The following RSRC2 variants were observed in gnomAD, a reference collection of about 807,000 sequenced individuals.
RSRC2 encodes arginine and serine rich coiled-coil 2, also known as arginine/serine-rich coiled-coil protein 2.
Under a neutral mutation model 61.3 loss-of-function variants are expected in RSRC2, and 5 were observed. The ratio of observed to expected loss-of-function variants is 0.08; its 90% confidence interval spans 0.04 to 0.17. The LOEUF (loss-of-function observed/expected upper bound fraction) is 0.17. RSRC2 is among the 10% of genes least tolerant of loss of function. The probability of loss-of-function intolerance (pLI) is 1.00; values close to 1 mark genes in which losing one functional copy is unlikely to be tolerated. For synonymous variants in RSRC2, 202 were observed against 166.5 expected, an observed-to-expected ratio of 1.21 and a Z score of -1.64; for missense variants, 381 against 518.8, an observed-to-expected ratio of 0.73 and a Z score of 2.58.
intron 3 of RSRC2, 58 bp from the exon 4 acceptor site, chr12:122,519,087 T>C (rs1959133992): frequency 8.5e-6 from 12 of 1,415,498 alleles, no homozygotes; most frequent in Non-Finnish European, 1.2e-5. Flanking sequence ...AGAGTTAGTA[T>C]GGGTATCAGT....
chr12:122,511,248 C>G (rs768173152), intron 6 of RSRC2, 60 bp from the exon 7 acceptor site: 8 of 1,290,788 alleles, frequency 6.2e-6, no homozygotes, highest in Non-Finnish European at 8.7e-6. Context: ...ATGTATATAT[C>G]TCTCTATATG....
chr12:122,506,671 A>C lies in RSRC2; in HGVS notation c.1125+163T>G, dbSNP rs943871904. 6.6e-6 allele frequency: 4 copies of C among 609,206 alleles called. No individual in the cohort carries two copies. The Admixed American group carries it at 8.7e-5, about 13-fold the overall frequency. 37.7% of individuals were successfully genotyped at this position (609,206 alleles called of 1,614,324 possible). A position where few individuals can be genotyped will look rare whatever the true frequency, so the allele number is the denominator to read the frequency against. ...GGAGGACAGTGGGTAGGGGAGATGG[A>C]AATGTTTCAGAATGGGATTGCTTGT... is the stretch of plus-strand genomic sequence containing the variant. On this transcript the variant is annotated intron_variant, in intron 9 of 9. Transcript: ENST00000331738.
intron 6 of RSRC2, among the ~76,000 whole-genome samples, chr12:122,513,245 AAAAT>A (rs1452851518): frequency 2.0e-4 from 9 of 45,142 alleles, no homozygotes; most frequent in East Asian, 6.9e-4. Context: ...ATAAATAAAT[AAAAT>A]AAAATAAAAA....
chr12:122,511,786 G>C (rs1958531342), intron 6 of RSRC2, among the ~76,000 whole-genome samples: 1 of 150,640 alleles, frequency 6.6e-6, no homozygotes, highest in South Asian at 2.1e-4. Flanking sequence ...CTAGTAACAT[G>C]AAACACAAAT....
intron 6 of RSRC2, among the ~76,000 whole-genome samples, 188 bp from the exon 7 acceptor site, chr12:122,511,376 G>A (rs1023296568): frequency 6.7e-6 from 1 of 148,818 alleles, no homozygotes; most frequent in African/African-American, 2.6e-5. Flanking sequence ...TACATTTGAA[G>A]AATACCACAA....
intron 7 of RSRC2, 37 bp downstream of exon 7, chr12:122,511,072 C>G: frequency 1.4e-6 from 2 of 1,478,730 alleles, no homozygotes; most frequent in Non-Finnish European, 1.9e-6. Context: ...TGAAAGAGCT[C>G]AAATCGAGAT....
At chr12:122,524,236 A>G (rs986398702) in intron 1 of RSRC2, among the ~76,000 whole-genome samples, 1 of 152,158 alleles carries the variant, frequency 6.6e-6, no homozygotes, top group Non-Finnish European at 1.5e-5. Context: ...ATTTTTCACA[A>G]TGAATTCTGG....
At chr12:122,512,448 C>A (rs1326283713) in intron 6 of RSRC2, among the ~76,000 whole-genome samples, 3 of 152,126 alleles carry the variant, frequency 2.0e-5, no homozygotes, top group Admixed American at 1.3e-4. Flanking sequence ...GTTAAGTCGG[C>A]CCGGCGCCAC....
At chr12:122,511,674 C>G (rs1532578) in intron 6 of RSRC2, among the ~76,000 whole-genome samples, 77,850 of 152,042 alleles carry the variant, frequency 0.51, 20,495 homozygotes, top group Non-Finnish European at 0.55. Flanking sequence ...AAAGGTCAAG[C>G]AAACCTTGCC....
At chr12:122,512,065 C>A (rs1958560155) in intron 6 of RSRC2, among the ~76,000 whole-genome samples, 1 of 152,138 alleles carries the variant, frequency 6.6e-6, no homozygotes, top group South Asian at 2.1e-4. Flanking sequence ...CTTGGCCTCC[C>A]GAAGTGCTGG....
At chr12:122,518,703 A>C (rs1195107995) in intron 4 of RSRC2, 136 bp downstream of exon 4, 9 of 762,174 alleles carry the variant, frequency 1.2e-5, no homozygotes, top group Non-Finnish European at 2.0e-5. Context: ...AAAGGCAAAA[A>C]ACAAACAAAA....
intron 3 of RSRC2, 169 bp downstream of exon 3, chr12:122,521,216 T>A: frequency 2.0e-6 from 1 of 494,462 alleles, no homozygotes; most frequent in Non-Finnish European, 3.7e-6. Flanking sequence ...CACATAAACA[T>A]CTTCTTCAAA....
At chr12:122,518,694 A>G (rs1210542188) in intron 4 of RSRC2, 145 bp downstream of exon 4, 1 of 713,068 alleles carries the variant, frequency 1.4e-6, no homozygotes, top group Non-Finnish European at 2.4e-6. Flanking sequence ...GCAAAGCCCA[A>G]AGGCAAAAAA....
At position 122,522,169 on chromosome 12, in the gene RSRC2, C is replaced by A. The variant is rs1959303054; in HGVS notation, c.137G>T (p.Arg46Met). The change falls in exon 2 of 10, where the codon AGG (arginine) becomes ATG (methionine). Residue 46 changes from arginine to methionine, a missense_variant. Transcript: ENST00000331738. Reference protein sequence around the residue: ...SKHHYSRSRSRSRERKRKSDN... With the variant: ...SKHHYSRSRSMSRERKRKSDN... Reference sequence around the variant, plus strand: ...TGACTTTCGTTTTCTTTCTCTTGACCTTGATCGTGATCTTGAATAATGATG... The same window carrying A: ...TGACTTTCGTTTTCTTTCTCTTGACATTGATCGTGATCTTGAATAATGATG... The A allele has an allele frequency of 6.2e-7, 1 of 1,612,204 alleles. No homozygotes were observed. The highest frequency in any genetic ancestry group is 1.3e-5 in the African/African-American group (1 of 74,776).
At chr12:122,512,191 A>G (rs998396614) in intron 6 of RSRC2, among the ~76,000 whole-genome samples, 1 of 152,256 alleles carries the variant, frequency 6.6e-6, no homozygotes, top group Non-Finnish European at 1.5e-5. Flanking sequence ...TGCACACTAA[A>G]CAAGCTATAT....
intron 5 of RSRC2, 88 bp downstream of exon 5, chr12:122,517,139 C>T (rs1192124075): frequency 1.3e-6 from 2 of 1,562,378 alleles, no homozygotes; most frequent in East Asian, 2.3e-5. Flanking sequence ...AGAATTGTGA[C>T]TCACAATTTT....
In RSRC2 at chr12:122,503,460, T is replaced by A. The variant is rs964675817; in HGVS notation, c.*2067A>T. On this transcript the variant is annotated 3_prime_UTR_variant, in exon 10 of 10. Transcript: ENST00000331738. ...AAGATCACTTGGACCAATATACATA[T>A]ACACACATATTTTATTGGACAGTGC... 6.6e-6 allele frequency: 1 copy of A among 152,170 alleles called. No homozygotes were observed. Among genetic ancestry groups the A allele is most frequent in the East Asian group, 1.9e-4 (1 of 5,192 alleles). 9.4% of individuals were successfully genotyped at this position (152,170 alleles called of 1,614,324 possible). A position where few individuals can be genotyped will look rare whatever the true frequency, so the allele number is the denominator to read the frequency against.
At chr12:122,525,055 T>G (rs547350217) in intron 1 of RSRC2, among the ~76,000 whole-genome samples, 1 of 152,214 alleles carries the variant, frequency 6.6e-6, no homozygotes, top group African/African-American at 2.4e-5. Context: ...ACGGCATAAA[T>G]AAATGTTTAA....
chr12:122,516,648 T>C (rs1056945222), intron 5 of RSRC2, among the ~76,000 whole-genome samples: 1 of 152,194 alleles, frequency 6.6e-6, no homozygotes, highest in Non-Finnish European at 1.5e-5. Flanking sequence ...GAGATTTTAG[T>C]TATTTGTGAT....
Sources: gnomAD v4.1 joint callset for allele counts (sites outside exome capture counted in the v4.1 genomes callset) on GRCh38, gnomAD v4.1.1 for gene constraint, MANE v1.5 for transcripts, NCBI Gene and HGNC (gene_info 2026-07-23, HGNC 2026-07-21) for gene names.